Variants in VPS13B observed in about 807,000 individuals in gnomAD.
VPS13B encodes vacuolar protein sorting 13 homolog B.
VPS13B carries 285 observed loss-of-function variants against 426.4 expected under a neutral mutation model. The ratio of observed to expected loss-of-function variants is 0.67; its 90% CI spans 0.61 to 0.74. The LOEUF (loss-of-function observed/expected upper bound fraction) is 0.74. Among genes scored for constraint, VPS13B ranks in the 30% least tolerant of loss-of-function variants. VPS13B has a pLI of 0.00. For synonymous variants in VPS13B, 1,676 were observed against 1,676.4 expected (o/e 1.00, Z 0.01); for missense variants, 4,537 against 4,782.6 (o/e 0.95, Z 1.51).
At position 99,854,115 on chromosome 8, in the gene VPS13B, G is replaced by T; in HGVS notation, c.10726G>T (p.Ala3576Ser). The T allele has an allele frequency of 6.2e-7, 1 of 1,612,740 alleles. No individual in the cohort carries two copies. Among genetic ancestry groups the T allele is most frequent in the Non-Finnish European group, 8.5e-7 (1 of 1,179,290 alleles). Reference sequence around the variant, plus strand: ...AGTAAATTTGCTCGTCAGCATCCACGCTTCCCTCAAGCTGTACATAGCCTC... The same window carrying T: ...AGTAAATTTGCTCGTCAGCATCCACTCTTCCCTCAAGCTGTACATAGCCTC... ...QPVNLLVSIH[A>S]SLKLYIASDH... is the part of the protein sequence containing the mutation. The change falls in exon 56 of 62, where the codon GCT becomes TCT. Residue 3576 changes from alanine (A) to serine (S), a missense_variant. Physicochemically the swap from Ala to Ser is moderately conservative, Grantham distance 99. This residue lies in a region of VPS13B where 4,311 missense variants were observed against 4,474.3 expected (regional missense o/e 0.96). Coordinates refer to ENST00000357162, the MANE Select transcript of VPS13B (RefSeq NM_152564.5).
intron 35 of VPS13B, among the ~76,000 whole-genome samples, chr8:99,674,716 G>A (rs1294659515): frequency 2.0e-5 from 3 of 151,804 alleles, no homozygotes; most frequent in East Asian, 3.9e-4. Context: ...TTGATTTCTT[G>A]CTTTTTAATT....
chr8:99,389,126 G>A (rs1312867653), intron 20 of VPS13B, among the ~76,000 whole-genome samples: 2 of 152,010 alleles, frequency 1.3e-5, no homozygotes, highest in Non-Finnish European at 2.9e-5. Flanking sequence ...TCCAGCCTGG[G>A]TGACAGAGCG....
At chr8:99,149,187 T>C (rs559592471) in intron 14 of VPS13B, among the ~76,000 whole-genome samples, 3 of 152,386 alleles carry the variant, frequency 2.0e-5, no homozygotes, top group Admixed American at 2.0e-4. Context: ...ATAATGCATG[T>C]AAACTATTTT....
intron 2 of VPS13B, among the ~76,000 whole-genome samples, chr8:99,024,184 GGCCATTTATGTGTC>G (rs1377516974): frequency 3.3e-5 from 5 of 152,158 alleles, no homozygotes; most frequent in African/African-American, 1.2e-4. Flanking sequence ...TATACCTGTT[GGCCATTTATGTGTC>G]GCCTTTTGAG....
intron 19 of VPS13B, among the ~76,000 whole-genome samples, chr8:99,337,689 C>G (rs945720283): frequency 1.3e-5 from 2 of 151,982 alleles, no homozygotes; most frequent in African/African-American, 4.8e-5. Flanking sequence ...TTTTTCATAA[C>G]AATGTTTTAC....
At chr8:99,686,597 A>G (rs1406070906) in intron 35 of VPS13B, among the ~76,000 whole-genome samples, 3 of 151,650 alleles carry the variant, frequency 2.0e-5, no homozygotes, top group Non-Finnish European at 4.4e-5. Flanking sequence ...TCCTCCCTCC[A>G]CTTTCCACAA....
intron 30 of VPS13B, among the ~76,000 whole-genome samples, chr8:99,529,384 A>G (rs183367490): frequency 6.6e-6 from 1 of 152,336 alleles, no homozygotes; most frequent in African/African-American, 2.4e-5. Context: ...TAGACTTGCC[A>G]TCATACTGAC....
chr8:99,086,638 G>A (rs566595078), intron 3 of VPS13B, among the ~76,000 whole-genome samples: 2 of 152,066 alleles, frequency 1.3e-5, no homozygotes, highest in African/African-American at 2.4e-5. Context: ...TGGGGTTTTG[G>A]TGTGGATGTT....
intron 19 of VPS13B, among the ~76,000 whole-genome samples, chr8:99,291,739 T>C (rs770068383): frequency 6.6e-6 from 1 of 152,134 alleles, no homozygotes; most frequent in Non-Finnish European, 1.5e-5. Context: ...AGGATTGATA[T>C]TTAAGCCTTG....
At chr8:99,636,128 C>T (rs958459131) in intron 33 of VPS13B, among the ~76,000 whole-genome samples, 2 of 151,844 alleles carry the variant, frequency 1.3e-5, no homozygotes. Context: ...TATTGAAACC[C>T]GTTGATAGTG....
chr8:99,814,022 C>T (rs1019886871), intron 44 of VPS13B, among the ~76,000 whole-genome samples: 1 of 152,090 alleles, frequency 6.6e-6, no homozygotes, highest in Non-Finnish European at 1.5e-5. Context: ...TGCCTGTAGT[C>T]CAAGCTACTT....
chr8:99,493,605 C>A (rs1376305722), intron 25 of VPS13B, among the ~76,000 whole-genome samples: 2 of 151,714 alleles, frequency 1.3e-5, no homozygotes, highest in African/African-American at 2.4e-5. Context: ...GCCAACATGG[C>A]AAAACCCCTT....
At chr8:99,014,328 G>T (rs1841492339) in intron 2 of VPS13B, among the ~76,000 whole-genome samples, 1 of 151,638 alleles carries the variant, frequency 6.6e-6, no homozygotes, top group African/African-American at 2.4e-5. Flanking sequence ...ATGTTGGCCA[G>T]GCTGGTCTCG....
At chr8:99,112,658 G>C (rs1053956344) in intron 6 of VPS13B, among the ~76,000 whole-genome samples, 4 of 152,034 alleles carry the variant, frequency 2.6e-5, no homozygotes, top group Non-Finnish European at 4.4e-5. Flanking sequence ...TATAGCCTTG[G>C]GTTTTCTAGT....
At chr8:99,764,184 A>G (rs906780662) in intron 39 of VPS13B, among the ~76,000 whole-genome samples, 9 of 152,160 alleles carry the variant, frequency 5.9e-5, no homozygotes, top group African/African-American at 2.2e-4. Flanking sequence ...AAGTAATTAC[A>G]AAATATAGTG....
chr8:99,467,260 A>C (rs1588410729), intron 23 of VPS13B, among the ~76,000 whole-genome samples, 154 bp from the exon 24 acceptor site: 1 of 152,260 alleles, frequency 6.6e-6, no homozygotes, highest in Middle Eastern at 3.4e-3. Flanking sequence ...TAGCATGTAA[A>C]TTGTTTAGCA....
rs776278257 is a variant in VPS13B, at chr8:99,115,754, A to G, written c.817A>G (p.Met273Val). 10 of 1,613,446 alleles carry G rather than the reference A, an allele frequency of 6.2e-6. No individual in the cohort carries two copies. In the South Asian group the frequency reaches 1.1e-4, roughly 18 times the overall value. Residue 273 changes from methionine (M) to valine (V), a missense_variant, in exon 7 of 62, where the codon ATG becomes GTG. By Grantham distance (21) the Met-to-Val change is conservative. This residue lies in a region of VPS13B where 4,311 missense variants were observed against 4,474.3 expected (regional missense o/e 0.96). Transcript: ENST00000357162. ...KLSITDQQLP[M>V]FIRIMQLGIA... ...TTCTATCACAGATCAACAACTGCCT[A>G]TGTTTATTCGTATAATGCAACTTGG... is the stretch of plus-strand genomic sequence containing the variant.
chr8:99,237,368 CTT>C (rs976421110), intron 17 of VPS13B, among the ~76,000 whole-genome samples: 5 of 152,128 alleles, frequency 3.3e-5, no homozygotes, highest in African/African-American at 4.8e-5. Context: ...GATTATATCT[CTT>C]TAACATTTTA....
At chr8:99,335,484 G>C (rs1451160592) in intron 19 of VPS13B, among the ~76,000 whole-genome samples, 2 of 151,762 alleles carry the variant, frequency 1.3e-5, no homozygotes, top group Non-Finnish European at 2.9e-5. Context: ...GCTTTCTCTT[G>C]TGGGCATTTA....
Sources: gnomAD v4.1 joint callset for allele counts (sites outside exome capture counted in the v4.1 genomes callset) on GRCh38, gnomAD v4.1.1 for gene constraint, gnomAD v4.1.1 regional missense constraint, MANE v1.5 for transcripts, NCBI Gene and HGNC (gene_info 2026-07-23, HGNC 2026-07-21) for gene names.